Variants in MYO9B observed in about 807,000 individuals in gnomAD.
The protein encoded by MYO9B is myosin IXB.
MYO9B carries 71 observed loss-of-function variants against 229.5 expected under a neutral mutation model. The observed-to-expected ratio is 0.31, with a 90% CI of 0.26 to 0.38. MYO9B has a LOEUF of 0.38. Ranked by LOEUF, MYO9B falls within the 10% of genes least tolerant of loss-of-function variation. The probability of loss-of-function intolerance (pLI) is 1.00; values close to 1 mark genes in which losing one functional copy is unlikely to be tolerated. For synonymous variants in MYO9B, 1,185 were observed against 1,235.8 expected (o/e 0.96, Z 0.86); for missense variants, 2,255 against 2,920.5 (o/e 0.77, Z 5.25).
chr19:17,205,441 C>A (rs2073149854), intron 31 of MYO9B, 105 bp downstream of exon 31: 1 of 1,116,702 alleles, frequency 9.0e-7, no homozygotes, highest in Non-Finnish European at 1.3e-6. Context: ...ATTGAGCAGC[C>A]AGTAGGGGGC....
In MYO9B at chr19:17,201,963, G is replaced by T. The variant is rs1398621305; in HGVS notation, c.4601G>T (p.Ser1534Ile). The T allele has an allele frequency of 6.2e-7, 1 of 1,609,188 alleles. No individual in the cohort carries two copies. Among genetic ancestry groups the T allele is most frequent in the Non-Finnish European group, 8.5e-7 (1 of 1,178,250 alleles). The change falls in exon 27 of 40, where the codon AGC (serine) becomes ATC (isoleucine). Residue 1534 changes from serine (S) to isoleucine (I), a missense_variant. Physicochemically the swap from Ser to Ile is moderately radical, Grantham distance 142. Coordinates refer to ENST00000682292, the MANE Select transcript of MYO9B (RefSeq NM_004145.4). ...DLRSQKTPIE[S>I]LFIEATEKFR... Reference sequence around the variant, plus strand: ...CGTTCCCAGAAGACGCCCATTGAGAGCTTGTTTATCGAAGCCACCGAGAAG... The same window carrying T: ...CGTTCCCAGAAGACGCCCATTGAGATCTTGTTTATCGAAGCCACCGAGAAG...
At position 17,212,070 on chromosome 19, in the gene MYO9B, C is replaced by T. The variant is rs775074142; in HGVS notation, c.6234C>T (p.Ser2078=). 5 of 1,598,932 alleles carry T rather than the reference C, an allele frequency of 3.1e-6. No homozygotes were observed. In the African/African-American group the frequency reaches 6.7e-5, roughly 22 times the overall value. ...ANIKLPPGLP[S]HLPRWAPGAR... is the part of the protein sequence containing the mutation. ...TCAAGCTCCCACCAGGCCTGCCCTC[C>T]CACCTGCCTCGCTGGGCACCGGGTG... The change falls in exon 40 of 40, where the codon TCC becomes TCT. Residue 2078 remains serine (S), a synonymous_variant. Transcript: ENST00000682292. This position sits in a 1 kb window ranked among gnomAD's most constrained non-coding sequence, Gnocchi z 5.4.
At position 17,209,589 on chromosome 19, in the gene MYO9B, C is replaced by G; in HGVS notation, c.5628C>G (p.Cys1876Trp). ...CTCCCGTGGGCCTTCTCTGTAGGTG[C>G]GTGGAGATGCTGATCAAGGAGCAGA... ...SMKDVLKITT[C>W]VEMLIKEQMR... Residue 1876 changes from cysteine (C) to tryptophan (W), a missense_variant, in exon 36 of 40, where the codon TGC becomes TGG. Coordinates refer to ENST00000682292, the MANE Select transcript of MYO9B (RefSeq NM_004145.4). 6.3e-7 allele frequency: 1 copy of G among 1,589,514 alleles called. No homozygotes were observed. Among genetic ancestry groups the G allele is most frequent in the Non-Finnish European group, 8.6e-7 (1 of 1,168,228 alleles).
At position 17,211,758 on chromosome 19, in the gene MYO9B, G is replaced by C; in HGVS notation, c.6042G>C (p.Gly2014=). 2 of 1,613,170 alleles carry C rather than the reference G, an allele frequency of 1.2e-6. No homozygotes were observed. Among genetic ancestry groups the C allele is most frequent in the South Asian group, 2.2e-5 (2 of 91,054 alleles). ...AGAGCCTGCTGGAGGAGCGGGCCGG[G>C]CGGGGGGCCTCGGAAGGTCAGTATT... ...STESLLEERA[G]RGASEGPPAP... The change falls in exon 39 of 40, where the codon GGG becomes GGC. Residue 2014 remains glycine (G), a synonymous_variant. Coordinates refer to ENST00000682292, the MANE Select transcript of MYO9B (RefSeq NM_004145.4).
At chr19:17,079,377 G>A (rs536896106) in intron 1 of MYO9B, among the ~76,000 whole-genome samples, 4 of 152,174 alleles carry the variant, frequency 2.6e-5, no homozygotes, top group African/African-American at 7.2e-5. Flanking sequence ...CAACGTGCCC[G>A]AGGGTGGACA....
chr19:17,182,001 T>C (rs2072866763), intron 15 of MYO9B, among the ~76,000 whole-genome samples: 1 of 152,050 alleles, frequency 6.6e-6, no homozygotes, highest in African/African-American at 2.4e-5. Flanking sequence ...AGTCTTGAAC[T>C]CTTGACCTCA....
At chr19:17,120,816 ATAT>A (rs1179235204) in intron 2 of MYO9B, among the ~76,000 whole-genome samples, 1 of 152,132 alleles carries the variant, frequency 6.6e-6, no homozygotes, top group Non-Finnish European at 1.5e-5. Flanking sequence ...ATAACAGCAG[ATAT>A]AGAGCAGTTT....
At chr19:17,146,310 A>G (rs556460092) in intron 3 of MYO9B, among the ~76,000 whole-genome samples, 1 of 148,918 alleles carries the variant, frequency 6.7e-6, no homozygotes, top group South Asian at 2.2e-4. Context: ...TCACAGGTGG[A>G]TGGGTAGATT....
At chr19:17,155,362 G>A (rs990601247) in intron 6 of MYO9B, among the ~76,000 whole-genome samples, 16 of 151,836 alleles carry the variant, frequency 1.1e-4, no homozygotes, top group African/African-American at 3.4e-4. Context: ...ACAATTTTTT[G>A]TAGAGATGGG....
chr19:17,136,509 C>T (rs1324556352), intron 2 of MYO9B, among the ~76,000 whole-genome samples: 1 of 152,188 alleles, frequency 6.6e-6, no homozygotes, highest in Non-Finnish European at 1.5e-5. Flanking sequence ...CCCAGCCCTG[C>T]AACCCCTTTT....
chr19:17,089,760 T>C (rs2057619114), intron 1 of MYO9B, among the ~76,000 whole-genome samples: 1 of 152,214 alleles, frequency 6.6e-6, no homozygotes, highest in Non-Finnish European at 1.5e-5. Context: ...ACCGCTCCGT[T>C]TTTTTAAAAG....
At chr19:17,112,228 C>T (rs111715015) in intron 2 of MYO9B, among the ~76,000 whole-genome samples, 2 of 152,288 alleles carry the variant, frequency 1.3e-5, no homozygotes, top group African/African-American at 2.4e-5. Context: ...GAGAGCAGTC[C>T]TCTCCAGCAG....
At chr19:17,118,207 G>A (rs192356433) in intron 2 of MYO9B, among the ~76,000 whole-genome samples, 1 of 152,160 alleles carries the variant, frequency 6.6e-6, no homozygotes, top group African/African-American at 2.4e-5. Flanking sequence ...CTGAGGCAGA[G>A]AGACCTGCTT....
chr19:17,145,250 C>T, intron 2 of MYO9B, 147 bp from the exon 3 acceptor site: 1 of 742,774 alleles, frequency 1.3e-6, no homozygotes, highest in Non-Finnish European at 2.1e-6. Flanking sequence ...CACTCCAGCC[C>T]AGGTGACAGA....
At chr19:17,173,550 C>T (rs896538996) in intron 13 of MYO9B, among the ~76,000 whole-genome samples, 14 of 152,056 alleles carry the variant, frequency 9.2e-5, no homozygotes, top group African/African-American at 1.2e-4. Flanking sequence ...GTGATCCGCC[C>T]GCCTCTGACT....
At chr19:17,157,117 A>G (rs1431282484) in intron 7 of MYO9B, 79 bp downstream of exon 7, 1 of 1,507,628 alleles carries the variant, frequency 6.6e-7, no homozygotes, top group Non-Finnish European at 8.9e-7. Context: ...GACCATACCC[A>G]GAACTTCCTA....
At chr19:17,148,879 C>T (rs975483223) in intron 3 of MYO9B, among the ~76,000 whole-genome samples, 11 of 152,070 alleles carry the variant, frequency 7.2e-5, no homozygotes, top group East Asian at 1.9e-4. Flanking sequence ...CCACCACGCC[C>T]GACCCCCTCT....
intron 1 of MYO9B, among the ~76,000 whole-genome samples, chr19:17,100,995 A>G (rs550663744): frequency 2.1e-4 from 32 of 149,956 alleles, no homozygotes; most frequent in African/African-American, 6.6e-4. Flanking sequence ...GGGGAGGTTT[A>G]TTCAGAGATG....
At chr19:17,142,039 A>C (rs1347652312) in intron 2 of MYO9B, among the ~76,000 whole-genome samples, 1 of 152,022 alleles carries the variant, frequency 6.6e-6, no homozygotes, top group Non-Finnish European at 1.5e-5. Flanking sequence ...TTAGCCAAGC[A>C]TGGTGGCATG....
Sources: gnomAD v4.1 joint callset for allele counts (sites outside exome capture counted in the v4.1 genomes callset) on GRCh38, gnomAD v4.1.1 for gene constraint, Gnocchi (gnomAD v3.1) non-coding constraint, MANE v1.5 for transcripts, NCBI Gene and HGNC (gene_info 2026-07-23, HGNC 2026-07-21) for gene names.